Variants in SLC34A3 observed in about 807,000 individuals in gnomAD.
SLC34A3 encodes the protein sodium-dependent phosphate transport protein 2C.
Under a neutral mutation model 43.9 loss-of-function variants are expected in SLC34A3, and 60 were observed. The ratio of observed to expected loss-of-function variants is 1.37; its 90% confidence interval spans 1.11 to 1.70. SLC34A3 has a LOEUF of 1.70. SLC34A3 is among the 40% of genes most tolerant of loss of function. The pLI is 0.00. For synonymous variants in SLC34A3, 451 were observed against 386.2 expected (o/e 1.17, Z -1.97); for missense variants, 969 against 823.8 (o/e 1.18, Z -2.16).
Position 137,232,115 on chromosome 9 carries a change from C to G in SLC34A3, c.129C>G (p.Asp43Glu), listed in dbSNP as rs1005865796. ...CAGTCTTGGAGGAAGGGGACACAGA[C>G]CCCTGGACCCTCCCTCAGCTGAAGG... Reference protein sequence around the residue: ...SAPVLEEGDTDPWTLPQLKDT... With the variant: ...SAPVLEEGDTEPWTLPQLKDT... Residue 43 changes from aspartate (D) to glutamate (E), a missense_variant, in exon 3 of 13, where the codon GAC becomes GAG. Physicochemically the swap from Asp to Glu is conservative, Grantham distance 45 (BLOSUM62 2). Transcript: ENST00000673835. The G allele has an allele frequency of 1.9e-6, 3 of 1,613,094 alleles. No homozygotes were observed. Among genetic ancestry groups the G allele is most frequent in the Non-Finnish European group, 2.5e-6 (3 of 1,180,026 alleles).
intron 12 of SLC34A3, among the ~76,000 whole-genome samples, chr9:137,235,558 C>T (rs1404106293): frequency 6.6e-6 from 1 of 152,210 alleles, no homozygotes; most frequent in Admixed American, 6.5e-5. Context: ...ACTGTTCTCC[C>T]CTCCTGTGGC....
At chr9:137,230,120 G>A (rs1293606845), upstream of SLC34A3, among the ~76,000 whole-genome samples, 5 of 152,128 alleles carry the variant, frequency 3.3e-5, no homozygotes, top group Non-Finnish European at 7.4e-5. Flanking sequence ...GTGAGCCTCT[G>A]GGGGAGCTGC....
At position 137,233,098 on chromosome 9, in the gene SLC34A3, C is replaced by A. The variant is rs568970459; in HGVS notation, c.543C>A (p.Asp181Glu). 2.1e-5 allele frequency: 34 copies of A among 1,592,558 alleles called. No individual in the cohort carries two copies. The highest frequency in any genetic ancestry group is 2.7e-5 in the Non-Finnish European group (32 of 1,169,290). The part of the protein sequence containing the change: ...STLVSMAQSG[D>E]RDEFQRAFSG... ...TGGTCTCAATGGCGCAGTCAGGGGACCGGGATGAATTTCAGAGGTGAGTTG... is the reference window on the plus strand; with the variant it reads ...TGGTCTCAATGGCGCAGTCAGGGGAACGGGATGAATTTCAGAGGTGAGTTG... Residue 181 changes from aspartate (D) to glutamate (E), a missense_variant, in exon 6 of 13, where the codon GAC (aspartate) becomes GAA (glutamate). By Grantham distance (45) the Asp-to-Glu change is conservative. Transcript: ENST00000673835.
chr9:137,233,779 T>TTGGGGGCCCCCCCCCCC, intron 8 of SLC34A3, 57 bp downstream of exon 8: 8 of 1,445,764 alleles, frequency 5.5e-6, no homozygotes, highest in Middle Eastern at 2.1e-4. Flanking sequence ...TGCTGAGTCA[T>TTGGGGGCCCCCCCCCCC]CCCGCCCCAC....
At position 137,234,149 on chromosome 9, in the gene SLC34A3, C is replaced by T. The variant is rs531001816; in HGVS notation, c.966C>T (p.Ala322=). The T allele has an allele frequency of 2.3e-5, 36 of 1,599,450 alleles. 1 individual carries two copies. The Middle Eastern group carries it at 5.1e-4, about 23-fold the overall frequency. ...CGGGCACGGAGCTCACGGACCTGGC[C>T]GTGGGCTGCATCCTGCTGGCCGGCT... The part of the protein sequence containing the change: ...LFAGTELTDL[A]VGCILLAGSL... Residue 322 remains alanine, a synonymous_variant, in exon 10 of 13, where the codon GCC becomes GCT. Transcript: ENST00000673835. The surrounding 1 kb of genome is among the most constrained non-coding windows in gnomAD (Gnocchi z 6.9).
Position 137,233,704 on chromosome 9 carries a change from C to G in SLC34A3, c.828C>G (p.Cys276Trp). Residue 276 changes from cysteine (C) to tryptophan (W), a missense_variant, in exon 8 of 13, where the codon TGC becomes TGG. By Grantham distance (215) the Cys-to-Trp change is radical. Transcript: ENST00000673835. Reference sequence around the variant, plus strand: ...ACAGCAGTCTCATTAAGCACTGGTGCGGCACCACGGGGCAGCCGGTGAGGC... The same window carrying G: ...ACAGCAGTCTCATTAAGCACTGGTGGGGCACCACGGGGCAGCCGGTGAGGC... ...ATNSSLIKHW[C>W]GTTGQPTQEN... is the part of the protein sequence containing the mutation. 6.2e-7 allele frequency: 1 copy of G among 1,612,616 alleles called. No homozygotes were observed. The highest frequency in any genetic ancestry group is 8.5e-7 in the Non-Finnish European group (1 of 1,179,926).
At position 137,236,413 on chromosome 9, in the gene SLC34A3, G is replaced by C. The variant is rs1263311498; in HGVS notation, c.1797G>C (p.Leu599Phe). Residue 599 changes from leucine to phenylalanine, a missense_variant, in exon 13 of 13, where the codon TTG becomes TTC. By Grantham distance (22) the Leu-to-Phe change is conservative. Coordinates refer to ENST00000673835, the MANE Select transcript of SLC34A3 (RefSeq NM_001177316.2). ...ENPEILASQQ[L>F] The stretch of plus-strand genomic sequence containing the variant: ...CTGAGATCTTGGCCTCCCAGCAGTT[G>C]TGACGGGCAGTTGCTGAGCAGACCG... The C allele has an allele frequency of 6.5e-7, 1 of 1,536,728 alleles. No homozygotes were observed. The highest frequency in any genetic ancestry group is 1.4e-5 in the African/African-American group (1 of 73,140).
In SLC34A3 at chr9:137,236,437, C is replaced by T. The variant is rs550502661; in HGVS notation, c.*21C>T. 44 of 1,529,732 alleles carry T rather than the reference C, an allele frequency of 2.9e-5. 1 individual carries two copies. In the South Asian group the frequency reaches 3.2e-4, roughly 11 times the overall value. The allele number at this position is 1,529,732 out of a possible 1,614,324, so 94.8% of individuals were successfully genotyped here. On this transcript the variant is annotated 3_prime_UTR_variant, in exon 13 of 13. Coordinates refer to ENST00000673835, the MANE Select transcript of SLC34A3 (RefSeq NM_001177316.2). ...TGTGACGGGCAGTTGCTGAGCAGAC[C>T]GCCCCACCCTCCCCGGCTGGGAGGG...
At chr9:137,235,684 C>T (rs530649384) in intron 12 of SLC34A3, among the ~76,000 whole-genome samples, 9 of 152,304 alleles carry the variant, frequency 5.9e-5, no homozygotes, top group South Asian at 2.1e-4. Flanking sequence ...GTGCTTCCCC[C>T]GCAGGTCCCC....
At position 137,234,124 on chromosome 9, in the gene SLC34A3, C is replaced by T. The variant is rs757810082; in HGVS notation, c.941C>T (p.Ala314Val). ...CTGCCCCCAGGCCGCCACCTGTTTG[C>T]GGGCACGGAGCTCACGGACCTGGCC... ...ADRLPCRHLF[A>V]GTELTDLAVG... The change falls in exon 10 of 13, where the codon GCG becomes GTG. Residue 314 changes from alanine (A) to valine (V), a missense_variant. Transcript: ENST00000673835. This position sits in a 1 kb window ranked among gnomAD's most constrained non-coding sequence, Gnocchi z 6.9. 14 of 1,561,430 alleles carry T rather than the reference C, an allele frequency of 9.0e-6. No individual in the cohort carries two copies. Among genetic ancestry groups the T allele is most frequent in the East Asian group, 4.8e-5 (2 of 41,834 alleles).
upstream of SLC34A3, among the ~76,000 whole-genome samples, chr9:137,230,327 C>A (rs1359886794): frequency 6.6e-6 from 1 of 152,162 alleles, no homozygotes; most frequent in Non-Finnish European, 1.5e-5. Flanking sequence ...GGGCCGAGCC[C>A]GCTAGCAGCC....
Position 137,233,247 on chromosome 9 carries a change from G to T in SLC34A3, c.599G>T (p.Trp200Leu). Residue 200 changes from tryptophan (W) to leucine (L), a missense_variant, in exon 7 of 13, where the codon TGG (tryptophan) becomes TTG (leucine). By Grantham distance (61) the Trp-to-Leu change is moderately conservative. Transcript: ENST00000673835. ...SGSAVHGIFN[W>L]LTVLVLLPLE... ...TCGGCGGTGCACGGGATCTTCAACTGGCTCACAGTGCTGGTCCTGCTGCCA... is the reference window on the plus strand; with the variant it reads ...TCGGCGGTGCACGGGATCTTCAACTTGCTCACAGTGCTGGTCCTGCTGCCA... 1 of 1,578,374 alleles carries T rather than the reference G, an allele frequency of 6.3e-7. No individual in the cohort carries two copies. The highest frequency in any genetic ancestry group is 8.6e-7 in the Non-Finnish European group (1 of 1,162,210).
At chr9:137,233,607 A>G (rs1311106254) in intron 7 of SLC34A3, 26 bp from the exon 8 acceptor site, 1 of 1,606,656 alleles carries the variant, frequency 6.2e-7, no homozygotes, top group Non-Finnish European at 8.5e-7. Flanking sequence ...GGTGCAGCAC[A>G]CCGTCACGAC....
rs767876692 is a variant in SLC34A3 at position 137,234,025 on chromosome 9, C to T, written c.925+84C>T. 4.1e-5 allele frequency: 62 copies of T among 1,516,260 alleles called. No individual in the cohort carries two copies. Among genetic ancestry groups the T allele is most frequent in the Middle Eastern group, 2.3e-4 (1 of 4,364 alleles). The allele number at this position is 1,516,260 out of a possible 1,614,324, so 93.9% of individuals were successfully genotyped here. On this transcript the variant is annotated intron_variant, in intron 9 of 12. Coordinates refer to ENST00000673835, the MANE Select transcript of SLC34A3 (RefSeq NM_001177316.2). The surrounding 1 kb of genome is among the most constrained non-coding windows in gnomAD (Gnocchi z 6.9). Reference sequence around the variant, plus strand: ...TACATGGAGAGGAACAGCACAGCCCCGGCGGACAGGCTGCCCTGTGAGGCC... The same window carrying T: ...TACATGGAGAGGAACAGCACAGCCCTGGCGGACAGGCTGCCCTGTGAGGCC...
chr9:137,233,576 C>T, intron 7 of SLC34A3, 57 bp from the exon 8 acceptor site: 1 of 1,586,350 alleles, frequency 6.3e-7, no homozygotes, highest in Admixed American at 1.7e-5. Context: ...GCGCCAGAGC[C>T]CCGGGTGAGT....
intron 8 of SLC34A3, 57 bp downstream of exon 8, chr9:137,233,779 T>TTTGGGCCCCCCCCC: frequency 6.9e-7 from 1 of 1,445,824 alleles, no homozygotes; most frequent in Non-Finnish European, 9.6e-7. Flanking sequence ...TGCTGAGTCA[T>TTTGGGCCCCCCCCC]CCCGCCCCAC....
chr9:137,234,746 G>GC lies in SLC34A3; in HGVS notation c.1335+19dup. 6.2e-7 allele frequency: 1 copy of GC among 1,605,444 alleles called. No individual in the cohort carries two copies. The highest frequency in any genetic ancestry group is 1.1e-5 in the South Asian group (1 of 91,082). On this transcript the variant is annotated intron_variant, in intron 12 of 12. Coordinates refer to ENST00000673835, the MANE Select transcript of SLC34A3 (RefSeq NM_001177316.2). The surrounding 1 kb of genome is among the most constrained non-coding windows in gnomAD (Gnocchi z 6.9). ...GCGCCCTGCAGGTACTGTCCACCCT[G>GC]CCCCGCTGCCAGAACTGGCCAGCTT...
chr9:137,233,899 T>G lies in SLC34A3; in HGVS notation c.883T>G (p.Cys295Gly), dbSNP rs1265682662. ...CAGCAGCTGTGGCGCCTTCGGCCCGTGCACAGAGAAGAACAGCACAGCCCC... is the reference window on the plus strand; with the variant it reads ...CAGCAGCTGTGGCGCCTTCGGCCCGGGCACAGAGAAGAACAGCACAGCCCC... ...ENSSCGAFGPCTEKNSTAPAD... is the reference protein window; with the variant it reads ...ENSSCGAFGPGTEKNSTAPAD... The change falls in exon 9 of 13, where the codon TGC (cysteine) becomes GGC (glycine). Residue 295 changes from cysteine to glycine, a missense_variant. Cys to Gly is a radical substitution (Grantham distance 159). Transcript: ENST00000673835. 1 of 1,606,856 alleles carries G rather than the reference T, an allele frequency of 6.2e-7. No individual in the cohort carries two copies. The highest frequency in any genetic ancestry group is 1.1e-5 in the South Asian group (1 of 89,872).
chr9:137,236,266 C>A lies in SLC34A3; in HGVS notation c.1650C>A (p.Ala550=). The change falls in exon 13 of 13, where the codon GCC becomes GCA. Residue 550 remains alanine (A), a synonymous_variant. Transcript: ENST00000673835. ...TGCCTGTCCGCCTGCGCTCCTGGGC[C>A]TGGCTCCCCGTCTGGCTCCATTCTC... ...AWLPVRLRSW[A]WLPVWLHSLE... is the part of the protein sequence containing the mutation. 6.5e-7 allele frequency: 1 copy of A among 1,544,048 alleles called. No homozygotes were observed. The highest frequency in any genetic ancestry group is 8.7e-7 in the Non-Finnish European group (1 of 1,147,374).
Sources: allele counts gnomAD v4.1 joint callset (sites outside exome capture counted in the v4.1 genomes callset), GRCh38; gene constraint gnomAD v4.1.1; non-coding constraint Gnocchi (gnomAD v3.1); transcripts MANE v1.5; gene names NCBI Gene and HGNC (gene_info 2026-07-23, HGNC 2026-07-21).